ATP8A2: variants seen among roughly 807,000 people sequenced by gnomAD.
ATP8A2 encodes the protein ATPase phospholipid transporting 8A2.
A neutral mutation model predicts 165.6 loss-of-function variants in ATP8A2; 100 were observed. The observed-to-expected ratio is 0.60, with a 90% CI of 0.51 to 0.71. The LOEUF is 0.71. ATP8A2 is among the 30% of genes least tolerant of loss of function. The probability of loss-of-function intolerance (pLI) is 0.00; values close to 1 mark genes in which losing one functional copy is unlikely to be tolerated. For missense variants in ATP8A2, 1,227 were observed against 1,479.5 expected, an observed-to-expected ratio of 0.83 and a Z score of 2.80; for synonymous variants, 543 against 548.8, an observed-to-expected ratio of 0.99 and a Z score of 0.15.
chr13:25,547,262 G>A (rs569506810), intron 10 of ATP8A2, among the ~76,000 whole-genome samples: 45 of 152,122 alleles, frequency 3.0e-4, no homozygotes, highest in African/African-American at 1.1e-3. Flanking sequence ...CCAGTCTGTG[G>A]CTGTGAAGAA....
chr13:25,768,613 A>C (rs930001070), intron 25 of ATP8A2, among the ~76,000 whole-genome samples: 1 of 152,112 alleles, frequency 6.6e-6, no homozygotes, highest in Non-Finnish European at 1.5e-5. Flanking sequence ...AGCAGATTTT[A>C]CAGAAAATTC....
At chr13:25,701,250 A>C (rs1441270179) in intron 25 of ATP8A2, among the ~76,000 whole-genome samples, 1 of 152,122 alleles carries the variant, frequency 6.6e-6, no homozygotes, top group East Asian at 1.9e-4. Flanking sequence ...CTCTCTTTTT[A>C]AAGTAGCTGA....
chr13:25,771,742 G>A (rs534724055), intron 26 of ATP8A2, among the ~76,000 whole-genome samples: 5 of 152,236 alleles, frequency 3.3e-5, no homozygotes, highest in South Asian at 2.1e-4. Context: ...TCCTATTGCC[G>A]ATTAGGTGGG....
chr13:25,933,468 T>C (rs541581093), intron 33 of ATP8A2, among the ~76,000 whole-genome samples: 1 of 152,290 alleles, frequency 6.6e-6, no homozygotes, highest in African/African-American at 2.4e-5. Flanking sequence ...GTTAATTCAG[T>C]TTCTTTTTTT....
At chr13:25,421,836 T>C (rs951293285) in intron 1 of ATP8A2, among the ~76,000 whole-genome samples, 4 of 152,234 alleles carry the variant, frequency 2.6e-5, no homozygotes, top group South Asian at 2.1e-4. Context: ...ATGTATTTGA[T>C]GCCAAATTCC....
intron 35 of ATP8A2, among the ~76,000 whole-genome samples, chr13:25,985,133 G>A (rs1956252298): frequency 1.3e-5 from 2 of 152,188 alleles, no homozygotes; most frequent in South Asian, 4.1e-4. Context: ...CTGCTAATGC[G>A]GAGAACGTGG....
intron 3 of ATP8A2, 147 bp from the exon 4 acceptor site, chr13:25,530,415 A>G (rs2037993949): frequency 1.5e-6 from 1 of 652,134 alleles, no homozygotes; most frequent in South Asian, 1.7e-5. Context: ...ATACGTAGCT[A>G]GTTTTTAAAG....
In ATP8A2 at chr13:25,372,388, C is replaced by G; in HGVS notation, c.76+100C>G. 3.4e-6 allele frequency: 3 copies of G among 890,770 alleles called. No individual in the cohort carries two copies. Among genetic ancestry groups the G allele is most frequent in the Non-Finnish European group, 4.5e-6 (3 of 659,402 alleles). The allele number at this position is 890,770 out of a possible 1,614,324, so 55.2% of individuals were successfully genotyped here. ...GACACTGCCCCGCCCGCGCCCCGCT[C>G]CCCTCCCTGGGCTCCCTGGGCTCTC... is the stretch of plus-strand genomic sequence containing the variant. On this transcript the variant is annotated intron_variant, in intron 1 of 36. Transcript: ENST00000381655. The surrounding 1 kb of genome is among the most constrained non-coding windows in gnomAD (Gnocchi z 4.8).
At chr13:26,007,881 A>ATT (rs1289064618) in intron 35 of ATP8A2, among the ~76,000 whole-genome samples, 2 of 152,134 alleles carry the variant, frequency 1.3e-5, no homozygotes, top group African/African-American at 4.8e-5. Context: ...AAAGTTGCAA[A>ATT]TTTTGTAGGG....
intron 2 of ATP8A2, among the ~76,000 whole-genome samples, chr13:25,510,573 C>G (rs577812335): frequency 3.0e-4 from 45 of 152,312 alleles, no homozygotes; most frequent in African/African-American, 1.1e-3. Flanking sequence ...ACTCTGAGTG[C>G]TGTACTCATG....
At chr13:25,606,705 A>G (rs1736553405) in intron 24 of ATP8A2, among the ~76,000 whole-genome samples, 1 of 152,174 alleles carries the variant, frequency 6.6e-6, no homozygotes, top group African/African-American at 2.4e-5. Context: ...CCAGACACCC[A>G]TCCACCCACA....
At chr13:25,504,411 C>A (rs1029283673) in intron 2 of ATP8A2, among the ~76,000 whole-genome samples, 7 of 133,314 alleles carry the variant, frequency 5.3e-5, no homozygotes, top group Admixed American at 3.0e-4. Context: ...TTTTAAAAAT[C>A]TTTCCTTTCC....
intron 30 of ATP8A2, among the ~76,000 whole-genome samples, chr13:25,853,115 G>A (rs560283875): frequency 1.3e-5 from 2 of 151,886 alleles, no homozygotes; most frequent in African/African-American, 2.4e-5. Flanking sequence ...GAATTTCTTG[G>A]TCAGGTGCGG....
At chr13:25,495,622 T>C (rs1167590969) in intron 2 of ATP8A2, among the ~76,000 whole-genome samples, 1 of 122,670 alleles carries the variant, frequency 8.2e-6, no homozygotes, top group Non-Finnish European at 1.7e-5. Context: ...ATGCATGCCT[T>C]GCTTTTTTTT....
chr13:25,910,530 G>A (rs955080096), intron 33 of ATP8A2, among the ~76,000 whole-genome samples: 7 of 152,192 alleles, frequency 4.6e-5, no homozygotes, highest in Admixed American at 3.3e-4. Flanking sequence ...TGTGAGCCCT[G>A]CAGGTGTTAT....
intron 24 of ATP8A2, among the ~76,000 whole-genome samples, chr13:25,689,501 T>C (rs1294999201): frequency 6.6e-6 from 1 of 152,240 alleles, no homozygotes; most frequent in Non-Finnish European, 1.5e-5. Context: ...TCCATTGTGC[T>C]CAGTTTGGGC....
chr13:25,828,042 C>G (rs1346797117), intron 27 of ATP8A2, 76 bp from the exon 28 acceptor site: 2 of 1,178,196 alleles, frequency 1.7e-6, no homozygotes, highest in Middle Eastern at 1.9e-4. Context: ...GGTCCACATT[C>G]CCGCTACTTC....
chr13:25,767,127 G>A (rs1303591269), intron 25 of ATP8A2, among the ~76,000 whole-genome samples: 2 of 152,220 alleles, frequency 1.3e-5, no homozygotes, highest in Admixed American at 1.3e-4. Flanking sequence ...AACAAAATGG[G>A]AAATCACTTT....
chr13:25,593,694 G>A (rs1049619851), intron 24 of ATP8A2, among the ~76,000 whole-genome samples: 1 of 152,184 alleles, frequency 6.6e-6, no homozygotes, highest in Admixed American at 6.5e-5. Flanking sequence ...TAGGAGGAGG[G>A]AGGCATGGCG....
Sources: gnomAD v4.1 joint callset for allele counts (sites outside exome capture counted in the v4.1 genomes callset) on GRCh38, gnomAD v4.1.1 for gene constraint, Gnocchi (gnomAD v3.1) non-coding constraint, MANE v1.5 for transcripts, NCBI Gene and HGNC (gene_info 2026-07-23, HGNC 2026-07-21) for gene names.